The following KIDINS220 variants were observed in gnomAD, a reference collection of about 807,000 sequenced individuals.
The protein encoded by KIDINS220 is kinase D-interacting substrate of 220 kDa.
KIDINS220 carries 63 observed loss-of-function variants against 157.6 expected under a neutral mutation model. That is an observed-to-expected ratio of 0.40 (90% CI 0.33 to 0.49). The LOEUF (loss-of-function observed/expected upper bound fraction) is 0.49, where lower values mean the gene tolerates loss of function less well. Among genes scored for constraint, KIDINS220 ranks in the 20% least tolerant of loss-of-function variants. The pLI, the probability that KIDINS220 is intolerant of heterozygous loss-of-function variation, is 0.66. For missense variants in KIDINS220, 1,772 were observed against 2,171.2 expected (o/e 0.82, Z 3.65); for synonymous variants, 732 against 783.6 (o/e 0.93, Z 1.10).
Position 8,744,377 on chromosome 2 carries a change from AAAAAAAAAAAAATATATATATATAATAT to A in KIDINS220, c.3585+2740_3585+2767del, listed in dbSNP as rs1196204552. 6.8e-3 allele frequency among the ~76,000 whole-genome samples: 147 copies of A among 21,500 alleles called. 7 individuals carry two copies. Among genetic ancestry groups the A allele is most frequent in the South Asian group, 0.034 (15 of 436 alleles). The allele number at this position is 21,500 out of a possible 152,430, so 14.1% of individuals were successfully genotyped here. A position where few individuals can be genotyped will look rare whatever the true frequency, so the allele number is the denominator to read the frequency against. Reference sequence around the variant, plus strand: ...GTTCCTCATGGCAAAAAAAAAAAAAAAAAAAAAAAAAATATATATATATAATATATATATATATATATATATATATATA... The same window carrying A: ...GTTCCTCATGGCAAAAAAAAAAAAAAATATATATATATATATATATATATA... On this transcript the variant is annotated intron_variant, in intron 26 of 29. Coordinates refer to ENST00000256707, the MANE Select transcript of KIDINS220 (RefSeq NM_020738.4).
rs376227376 is a variant in KIDINS220, at chr2:8,826,970, G to A, written c.108+16C>T. 4.7e-5 allele frequency: 67 copies of A among 1,439,108 alleles called. 1 individual carries two copies. The highest frequency in any genetic ancestry group is 5.7e-5 in the Non-Finnish European group (58 of 1,026,350). The allele number at this position is 1,439,108 out of a possible 1,614,324, so 89.1% of individuals were successfully genotyped here. A position where few individuals can be genotyped will look rare whatever the true frequency, so the allele number is the denominator to read the frequency against. On this transcript the variant is annotated intron_variant, in intron 2 of 29. Coordinates refer to ENST00000256707, the MANE Select transcript of KIDINS220 (RefSeq NM_020738.4). Reference sequence around the variant, plus strand: ...AATATTTGTGAAAGAATGTAATTTTGCAAACTTGGTCTTACCTCATTTCTC... The same window carrying A: ...AATATTTGTGAAAGAATGTAATTTTACAAACTTGGTCTTACCTCATTTCTC...
Position 8,750,223 on chromosome 2 carries a change from C to T in KIDINS220, c.3303G>A (p.Val1101=). 6.2e-7 allele frequency: 1 copy of T among 1,614,166 alleles called. No individual in the cohort carries two copies. The highest frequency in any genetic ancestry group is 1.1e-5 in the South Asian group (1 of 91,086). The change falls in exon 24 of 30, where the codon GTG becomes GTA. Residue 1101 remains valine (V), a synonymous_variant. Coordinates refer to ENST00000256707, the MANE Select transcript of KIDINS220 (RefSeq NM_020738.4). ...GCCCATTGAAGGACGTGGAAGAGCA[C>T]ACGGATGGGGGCTGGCTGTACCCTG... The part of the protein sequence containing the change: ...APSGYSQPPS[V]CSSTSFNGPF...
intron 2 of KIDINS220, among the ~76,000 whole-genome samples, chr2:8,822,764 T>A (rs879520789): frequency 6.6e-6 from 1 of 152,218 alleles, no homozygotes; most frequent in Non-Finnish European, 1.5e-5. Context: ...CAGCTGACAG[T>A]GACTGTTTGT....
At chr2:8,757,612 C>A (rs1215612352) in intron 22 of KIDINS220, 20 of 1,596,218 alleles carry the variant, frequency 1.3e-5, no homozygotes, top group Non-Finnish European at 1.5e-5. Flanking sequence ...TTCAGTCCTT[C>A]GAGGCAGATA....
Position 8,803,119 on chromosome 2 carries a change from C to A in KIDINS220, c.612G>T (p.Met204Ile). 2 of 1,606,654 alleles carry A rather than the reference C, an allele frequency of 1.2e-6. No individual in the cohort carries two copies. The highest frequency in any genetic ancestry group is 2.2e-5 in the South Asian group (2 of 90,310). Residue 204 changes from methionine to isoleucine, a missense_variant, in exon 8 of 30, where the codon ATG (methionine) becomes ATT (isoleucine). Around this residue, in one of 3 missense-constraint regions of KIDINS220, gnomAD observed 254 missense variants for 268.6 expected, o/e 0.95. Coordinates refer to ENST00000256707, the MANE Select transcript of KIDINS220 (RefSeq NM_020738.4). ...CTTTCACTGCCACAATAAGTGCAGTCATTGAATTCTAAAAACAACAACAAC... is the reference window on the plus strand; with the variant it reads ...CTTTCACTGCCACAATAAGTGCAGTAATTGAATTCTAAAAACAACAACAAC... ...ADVDQEGANS[M>I]TALIVAVKGG...
intron 26 of KIDINS220, among the ~76,000 whole-genome samples, chr2:8,740,602 T>C (rs953542089): frequency 1.3e-5 from 2 of 152,148 alleles, no homozygotes; most frequent in African/African-American, 4.8e-5. Context: ...GATCATAAAA[T>C]ATCTAGCCAC....
At chr2:8,818,551 T>C in intron 3 of KIDINS220, 144 bp downstream of exon 3, 1 of 553,266 alleles carries the variant, frequency 1.8e-6, no homozygotes, top group Non-Finnish European at 3.2e-6. Flanking sequence ...TATTACTCCT[T>C]TTAAAAAAAA....
intron 25 of KIDINS220, 128 bp from the exon 26 acceptor site, chr2:8,747,329 G>T: frequency 1.3e-6 from 1 of 782,560 alleles, no homozygotes. Context: ...TTTGCCTCCT[G>T]ATTTATAAAA....
At chr2:8,810,162 T>A (rs1296897503) in intron 6 of KIDINS220, among the ~76,000 whole-genome samples, 1 of 152,228 alleles carries the variant, frequency 6.6e-6, no homozygotes, top group Non-Finnish European at 1.5e-5. Context: ...CATTCTTTTA[T>A]GAAATCTTGA....
At position 8,817,647 on chromosome 2, in the gene KIDINS220, A is replaced by T; in HGVS notation, c.277T>A (p.Cys93Ser). 6.2e-7 allele frequency: 1 copy of T among 1,606,264 alleles called. No individual in the cohort carries two copies. Among genetic ancestry groups the T allele is most frequent in the South Asian group, 1.1e-5 (1 of 89,660 alleles). ...TCACGGTGCTCCAAGTTAACCCCACATTTCAGTAGTTCCTCTACGATGTGC... is the reference window on the plus strand; with the variant it reads ...TCACGGTGCTCCAAGTTAACCCCACTTTTCAGTAGTTCCTCTACGATGTGC... Reference protein sequence around the residue: ...HVHIVEELLKCGVNLEHRDMG... With the variant: ...HVHIVEELLKSGVNLEHRDMG... Residue 93 changes from cysteine (C) to serine (S), a missense_variant, in exon 4 of 30, where the codon TGT (cysteine) becomes AGT (serine). Physicochemically the swap from Cys to Ser is moderately radical, Grantham distance 112. Coordinates refer to ENST00000256707, the MANE Select transcript of KIDINS220 (RefSeq NM_020738.4).
At chr2:8,825,649 A>G (rs1035202474) in intron 2 of KIDINS220, 29 of 152,218 alleles carry the variant, frequency 1.9e-4, no homozygotes, top group African/African-American at 7.0e-4. Context: ...ATCTACTGGC[A>G]AGAAATATTA....
chr2:8,774,365 C>T (rs1404307534), intron 21 of KIDINS220, among the ~76,000 whole-genome samples: 1 of 149,834 alleles, frequency 6.7e-6, no homozygotes. Context: ...TTAAATTCTA[C>T]TGAGGGGAAA....
intron 12 of KIDINS220, among the ~76,000 whole-genome samples, chr2:8,792,234 G>A (rs998555636): frequency 2.0e-5 from 3 of 152,112 alleles, no homozygotes; most frequent in Admixed American, 2.0e-4. Flanking sequence ...ACTAAGGCCA[G>A]AACTGCAGGA....
At chr2:8,816,567 C>G (rs1008813272) in intron 4 of KIDINS220, among the ~76,000 whole-genome samples, 1 of 152,170 alleles carries the variant, frequency 6.6e-6, no homozygotes, top group African/African-American at 2.4e-5. Flanking sequence ...TGCTTTATAG[C>G]CACTGTGTCA....
chr2:8,776,900 A>G lies in KIDINS220; in HGVS notation c.2704-8T>C. ...CCTTCTTCGGTAAGTGTCCTGAAAC[A>G]GCACGTCGTCAGTGAGAAGGAACCC... On this transcript the variant is annotated splice_polypyrimidine_tract_variant and splice_region_variant and intron_variant, in intron 20 of 29. Coordinates refer to ENST00000256707, the MANE Select transcript of KIDINS220 (RefSeq NM_020738.4). 6.2e-7 allele frequency: 1 copy of G among 1,613,100 alleles called. No individual in the cohort carries two copies. The highest frequency in any genetic ancestry group is 8.5e-7 in the Non-Finnish European group (1 of 1,179,516).
At chr2:8,747,399 T>C in intron 25 of KIDINS220, 198 bp from the exon 26 acceptor site, 1 of 566,716 alleles carries the variant, frequency 1.8e-6, no homozygotes, top group South Asian at 2.4e-5. Flanking sequence ...GAACCTCTAA[T>C]ATTTTGGGCA....
intron 22 of KIDINS220, among the ~76,000 whole-genome samples, chr2:8,766,237 T>TGGG (rs1669473375): frequency 6.6e-6 from 1 of 152,188 alleles, no homozygotes; most frequent in East Asian, 1.9e-4. Context: ...TCAGCTCCCT[T>TGGG]GTTGCTGTTC....
chr2:8,748,005 G>A lies in KIDINS220; in HGVS notation c.3415-5C>T. 1 of 1,514,532 alleles carries A rather than the reference G, an allele frequency of 6.6e-7. No individual in the cohort carries two copies. The highest frequency in any genetic ancestry group is 1.3e-5 in the South Asian group (1 of 78,166). 93.8% of individuals were successfully genotyped at this position (1,514,532 alleles called of 1,614,324 possible). ...AAGGTATGGGGCAAAGAATGGCTAT[G>A]GAAAAACATGTAACAAAAAAGGGGT... On this transcript the variant is annotated splice_polypyrimidine_tract_variant and splice_region_variant and intron_variant, in intron 24 of 29. Transcript: ENST00000256707.
At chr2:8,798,538 C>A (rs775014858) in intron 9 of KIDINS220, among the ~76,000 whole-genome samples, 12 of 152,170 alleles carry the variant, frequency 7.9e-5, no homozygotes, top group Non-Finnish European at 1.8e-4. Context: ...ATAAACTACA[C>A]TTTTGTAATG....
Sources: gnomAD v4.1 joint callset for allele counts (sites outside exome capture counted in the v4.1 genomes callset) on GRCh38, gnomAD v4.1.1 for gene constraint, gnomAD v4.1.1 regional missense constraint, MANE v1.5 for transcripts, NCBI Gene and HGNC (gene_info 2026-07-23, HGNC 2026-07-21) for gene names.